The following HEATR4 variants were observed in gnomAD, a reference collection of about 807,000 sequenced individuals.
The protein encoded by HEATR4 is HEAT repeat containing 4, also known as HEAT repeat-containing protein 4.
In HEATR4, 95 loss-of-function variants were observed where a neutral mutation model predicts 108.8. The observed-to-expected ratio is 0.87, with a 90% CI of 0.74 to 1.04. The LOEUF (loss-of-function observed/expected upper bound fraction) is 1.04, where lower values mean the gene tolerates loss of function less well. HEATR4 is among the 50% of genes least tolerant of loss of function. The pLI, the probability that HEATR4 is intolerant of heterozygous loss-of-function variation, is 0.00. For synonymous variants in HEATR4, 443 were observed against 459.4 expected (o/e 0.96, Z 0.46); for missense variants, 1,152 against 1,253.8 (o/e 0.92, Z 1.23).
the HEATR4 span, among the ~76,000 whole-genome samples, chr14:73,617,483 C>T: frequency 6.6e-6 from 1 of 152,092 alleles, no homozygotes. Flanking sequence ...ATTATTATTT[C>T]CATTTTCTCC....
chr14:73,588,744 G>A, the HEATR4 span, among the ~76,000 whole-genome samples: 38 of 152,004 alleles, frequency 2.5e-4, no homozygotes, highest in African/African-American at 8.9e-4. Flanking sequence ...CAAATGTTAA[G>A]CCAGACCCAC....
intron 17 of HEATR4, among the ~76,000 whole-genome samples, chr14:73,482,547 C>T (rs1885300174): frequency 6.6e-6 from 1 of 152,098 alleles, no homozygotes; most frequent in Non-Finnish European, 1.5e-5. Flanking sequence ...AAAAGGGAAG[C>T]ACAGGAGACT....
Position 73,557,809 on chromosome 14 carries a change from C to T in HEATR4, c.-152+942G>A, listed in dbSNP as rs944237895. 1.3e-4 allele frequency among the ~76,000 whole-genome samples: 11 copies of T among 83,170 alleles called. 1 individual carries two copies. The South Asian group carries it at 2.7e-3, about 20-fold the overall frequency. 54.6% of individuals were successfully genotyped at this position (83,170 alleles called of 152,430 possible). On this transcript the variant is annotated intron_variant, in intron 1 of 17. Transcript: ENST00000553558. ...GGCTCAAGCAATCCTCCTGCCTCAG[C>T]GTCCCCAGTAGCTGGGACCACAGGT... is the stretch of plus-strand genomic sequence containing the variant.
chr14:73,585,395 C>G, the HEATR4 span, among the ~76,000 whole-genome samples: 9 of 151,940 alleles, frequency 5.9e-5, no homozygotes, highest in African/African-American at 2.2e-4. Flanking sequence ...TTAATACTAT[C>G]GCATTGAGGC....
Position 73,509,390 on chromosome 14 carries a change from C to A in HEATR4, c.1642G>T (p.Ala548Ser), listed in dbSNP as rs1192737602. 3 of 1,614,098 alleles carry A rather than the reference C, an allele frequency of 1.9e-6. No homozygotes were observed. Among genetic ancestry groups the A allele is most frequent in the Middle Eastern group, 3.3e-4 (2 of 6,060 alleles). Reference protein sequence around the residue: ...LCDKNAHVRMAAAICQYAIQS... With the variant: ...LCDKNAHVRMSAAICQYAIQS... ...ATGGCATATTGGCATATTGCTGCTG[C>A]CATCCGCACATGGGCATTCTTGTCA... The change falls in exon 8 of 18, where the codon GCA (alanine) becomes TCA (serine). Residue 548 changes from alanine (A) to serine (S), a missense_variant. Ala to Ser is a moderately conservative substitution (Grantham distance 99, BLOSUM62 1). Transcript: ENST00000553558.
the HEATR4 span, among the ~76,000 whole-genome samples, chr14:73,624,515 T>A: frequency 6.6e-6 from 1 of 152,134 alleles, no homozygotes; most frequent in African/African-American, 2.4e-5. Context: ...GGTGGGAGGA[T>A]AACTTTAGTG....
intron 7 of HEATR4, 127 bp from the exon 8 acceptor site, chr14:73,509,600 A>AT: frequency 4.5e-6 from 4 of 887,728 alleles, no homozygotes; most frequent in Non-Finnish European, 5.2e-6. Context: ...TATGTAATAT[A>AT]ATTACAGTTT....
the HEATR4 span, among the ~76,000 whole-genome samples, chr14:73,633,162 G>A: frequency 6.6e-6 from 1 of 151,802 alleles, no homozygotes; most frequent in Non-Finnish European, 1.5e-5. Flanking sequence ...CTGCCACCAC[G>A]CCTGGCTAAT....
chr14:73,545,940 A>C lies in HEATR4; in HGVS notation c.-152+12811T>G, dbSNP rs796449746. 6.1e-5 allele frequency among the ~76,000 whole-genome samples: 7 copies of C among 114,074 alleles called. 2 individuals are homozygous for C. Among genetic ancestry groups the C allele is most frequent in the Admixed American group, 2.0e-4 (2 of 9,978 alleles). The allele number at this position is 114,074 out of a possible 152,430, so 74.8% of individuals were successfully genotyped here. On this transcript the variant is annotated intron_variant, in intron 1 of 17. Transcript: ENST00000553558. The stretch of plus-strand genomic sequence containing the variant: ...GGCAGTAGTAGTATTGCTTAAGCCC[A>C]GGAGTTCAAGCCAGCCTGGGTAACA...
At chr14:73,507,473 G>A (rs545382434) in intron 9 of HEATR4, among the ~76,000 whole-genome samples, 1 of 151,734 alleles carries the variant, frequency 6.6e-6, no homozygotes, top group South Asian at 2.1e-4. Context: ...TTGCTCTGTC[G>A]CTCAGGCTGG....
Position 73,519,010 on chromosome 14 carries a change from G to A in HEATR4, c.1210+13C>T. 6.2e-7 allele frequency: 1 copy of A among 1,607,486 alleles called. No individual in the cohort carries two copies. Among genetic ancestry groups the A allele is most frequent in the Non-Finnish European group, 8.5e-7 (1 of 1,176,364 alleles). On this transcript the variant is annotated intron_variant, in intron 5 of 17. Coordinates refer to ENST00000553558, the MANE Select transcript of HEATR4 (RefSeq NM_001220484.1). ...TTATTAACCCCTGCCTTCCCTGTTA[G>A]CTTCCTGCTTACATGCTTCAGGAAT...
At chr14:73,484,811 GACAC>G (rs367692583) in intron 17 of HEATR4, among the ~76,000 whole-genome samples, 4 of 147,594 alleles carry the variant, frequency 2.7e-5, no homozygotes, top group Admixed American at 2.0e-4. Flanking sequence ...TATGCAGGCA[GACAC>G]ACACACACAC....
chr14:73,585,693 AAAATT>A, the HEATR4 span, among the ~76,000 whole-genome samples: 18 of 139,958 alleles, frequency 1.3e-4, no homozygotes, highest in Admixed American at 6.1e-4. Flanking sequence ...GAACCCCAAA[AAAATT>A]AAAATAAAAA....
chr14:73,617,195 G>A, the HEATR4 span: 44 of 1,614,186 alleles, frequency 2.7e-5, no homozygotes, highest in African/African-American at 5.7e-4. Flanking sequence ...ATCCAAAGGT[G>A]CGTTCTGGTG....
the HEATR4 span, chr14:73,591,596 A>C: frequency 9.0e-6 from 2 of 221,660 alleles, no homozygotes; most frequent in Non-Finnish European, 8.8e-6. Context: ...AAAGGCTGGA[A>C]TTTGGCTTGA....
chr14:73,528,664 C>A (rs1291367530), intron 2 of HEATR4, among the ~76,000 whole-genome samples: 1 of 152,154 alleles, frequency 6.6e-6, no homozygotes, highest in African/African-American at 2.4e-5. Context: ...AAAATTGAGT[C>A]TGATACCTGT....
the HEATR4 span, among the ~76,000 whole-genome samples, chr14:73,597,374 A>T: frequency 2.0e-5 from 3 of 151,324 alleles, no homozygotes; most frequent in East Asian, 6.0e-4. Context: ...GTGAGCCACC[A>T]TGCCCGGCCA....
the HEATR4 span, chr14:73,582,493 C>G: frequency 6.6e-6 from 1 of 151,498 alleles, no homozygotes; most frequent in African/African-American, 2.4e-5. Context: ...CCTCAGCATT[C>G]GCATTGTCAT....
Position 73,545,001 on chromosome 14 carries a change from T to G in HEATR4, c.-152+13750A>C, listed in dbSNP as rs1889210452. Among the ~76,000 whole-genome samples, 2 of 114,014 alleles carry G rather than the reference T, an allele frequency of 1.8e-5. 1 individual carries two copies. The highest frequency in any genetic ancestry group is 3.8e-5 in the Non-Finnish European group (2 of 52,418). 74.8% of individuals were successfully genotyped at this position (114,014 alleles called of 152,430 possible). On this transcript the variant is annotated intron_variant, in intron 1 of 17. Coordinates refer to ENST00000553558, the MANE Select transcript of HEATR4 (RefSeq NM_001220484.1). ...ATAGTTACACAATAAACTTGATTTT[T>G]TCTTAAACCTTAGTTGTATTTAAAA...
Sources: allele counts gnomAD v4.1 joint callset (sites outside exome capture counted in the v4.1 genomes callset), GRCh38; gene constraint gnomAD v4.1.1; transcripts MANE v1.5; gene names NCBI Gene and HGNC (gene_info 2026-07-23, HGNC 2026-07-21).